The following CDC73 variants were observed in gnomAD, a reference collection of about 807,000 sequenced individuals.
CDC73 encodes the protein parafibromin.
A neutral mutation model predicts 83.7 loss-of-function variants in CDC73; 21 were observed. That is an observed-to-expected ratio of 0.25 (90% CI 0.18 to 0.36). The LOEUF (loss-of-function observed/expected upper bound fraction) is 0.36, where lower values mean the gene tolerates loss of function less well. Ranked by LOEUF, CDC73 falls within the 10% of genes least tolerant of loss-of-function variation. The probability of loss-of-function intolerance (pLI) is 1.00; values close to 1 mark genes in which losing one functional copy is unlikely to be tolerated. For synonymous variants in CDC73, 224 were observed against 212.9 expected (o/e 1.05, Z -0.45); for missense variants, 342 against 653.3 (o/e 0.52, Z 5.19).
At chr1:193,145,228 A>C (rs889902043) in intron 7 of CDC73, among the ~76,000 whole-genome samples, 2 of 152,218 alleles carry the variant, frequency 1.3e-5, no homozygotes, top group African/African-American at 4.8e-5. Flanking sequence ...CTATGCAAAA[A>C]GTTTATGGAT....
At chr1:193,152,586 G>A in intron 10 of CDC73, 142 bp downstream of exon 10, 1 of 638,802 alleles carries the variant, frequency 1.6e-6, no homozygotes. Flanking sequence ...GATCTGTGTG[G>A]TGTATTATTT....
intron 10 of CDC73, among the ~76,000 whole-genome samples, chr1:193,173,104 A>G (rs755857233): frequency 1.6e-4 from 24 of 152,182 alleles, no homozygotes; most frequent in Non-Finnish European, 2.9e-4. Flanking sequence ...ACATAAGCCT[A>G]GAGAAAGGAG....
intron 13 of CDC73, 48 bp downstream of exon 13, chr1:193,212,525 T>C (rs781172488): frequency 1.1e-5 from 13 of 1,224,404 alleles, no homozygotes; most frequent in Admixed American, 7.3e-5. Context: ...TGAGATACCA[T>C]TGGAAAATAG....
At chr1:193,146,149 C>T (rs1675996865) in intron 7 of CDC73, among the ~76,000 whole-genome samples, 1 of 152,062 alleles carries the variant, frequency 6.6e-6, no homozygotes. Flanking sequence ...GGGCAGCGAC[C>T]ATGTCTTTTT....
chr1:193,180,485 T>A (rs775116737), intron 10 of CDC73: 7 of 1,613,988 alleles, frequency 4.3e-6, no homozygotes, highest in Non-Finnish European at 3.4e-6. Context: ...ACAAACTCAT[T>A]GGGAGGGGGT....
chr1:193,223,233 ATT>A (rs5779667), intron 13 of CDC73, among the ~76,000 whole-genome samples: 4 of 149,784 alleles, frequency 2.7e-5, no homozygotes, highest in Admixed American at 6.6e-5. Flanking sequence ...TGTTCATTTT[ATT>A]TTTTTTTTAT....
In CDC73 at chr1:193,130,241, CGTGTGAGTACTTTTT is replaced by C; in HGVS notation, c.306_307+13del. 1 of 1,542,486 alleles carries C rather than the reference CGTGTGAGTACTTTTT, an allele frequency of 6.5e-7. No individual in the cohort carries two copies. The highest frequency in any genetic ancestry group is 9.0e-7 in the Non-Finnish European group (1 of 1,115,406). ...CTACTTGGATATCTCAATGGTGAAG[CGTGTGAGTACTTTTT>C]AAATTGTTCCCAGTCTTAAACAGAC... On this transcript the variant is annotated splice_donor_variant and splice_donor_5th_base_variant and coding_sequence_variant and intron_variant, in exon 3 of 17. Coordinates refer to ENST00000367435, the MANE Select transcript of CDC73 (RefSeq NM_024529.5). LOFTEE classifies it high-confidence loss of function.
chr1:193,160,394 A>G (rs1302754539), intron 10 of CDC73, among the ~76,000 whole-genome samples: 1 of 152,084 alleles, frequency 6.6e-6, no homozygotes, highest in Admixed American at 6.6e-5. Flanking sequence ...GGAAACACAG[A>G]AACCAGTTTG....
At chr1:193,165,677 A>G (rs1314133504) in intron 10 of CDC73, among the ~76,000 whole-genome samples, 1 of 152,250 alleles carries the variant, frequency 6.6e-6, no homozygotes, top group Non-Finnish European at 1.5e-5. Flanking sequence ...ATTTTCAGTA[A>G]TAGAAGAAAA....
intron 15 of CDC73, among the ~76,000 whole-genome samples, chr1:193,248,614 T>G (rs1311966382): frequency 2.0e-5 from 3 of 152,044 alleles, no homozygotes; most frequent in Non-Finnish European, 2.9e-5. Flanking sequence ...TTAAGAACAT[T>G]TGTGATTAAT....
chr1:193,239,085 T>G (rs1677813506), intron 15 of CDC73, among the ~76,000 whole-genome samples: 1 of 152,218 alleles, frequency 6.6e-6, no homozygotes, highest in Admixed American at 6.5e-5. Context: ...ATTATGTCTT[T>G]AGCTCAATAT....
At chr1:193,159,091 T>G (rs926249498) in intron 10 of CDC73, among the ~76,000 whole-genome samples, 3 of 152,182 alleles carry the variant, frequency 2.0e-5, no homozygotes, top group Admixed American at 6.5e-5. Flanking sequence ...TATATCCCTT[T>G]TATAATAATT....
At chr1:193,237,476 A>T (rs1235329948) in intron 15 of CDC73, among the ~76,000 whole-genome samples, 1 of 152,166 alleles carries the variant, frequency 6.6e-6, no homozygotes, top group African/African-American at 2.4e-5. Context: ...GGATTCTCTT[A>T]CCCGGAGCCT....
chr1:193,244,940 G>A (rs577884896), intron 15 of CDC73, among the ~76,000 whole-genome samples: 13 of 152,250 alleles, frequency 8.5e-5, no homozygotes, highest in South Asian at 4.1e-4. Flanking sequence ...TGTCTTTAGT[G>A]CCTACAATAA....
intron 11 of CDC73, among the ~76,000 whole-genome samples, chr1:193,208,170 C>A (rs1677220770): frequency 6.6e-6 from 1 of 152,120 alleles, no homozygotes; most frequent in African/African-American, 2.4e-5. Context: ...TTCCTTACTC[C>A]TTTTCTGTTG....
intron 13 of CDC73, among the ~76,000 whole-genome samples, chr1:193,214,735 G>A (rs75289861): frequency 0.02 from 3,014 of 152,150 alleles, 95 homozygotes; most frequent in African/African-American, 0.068. Context: ...GAAAAAAATA[G>A]ATTATTTTAT....
chr1:193,125,903 T>C (rs2103114614), intron 2 of CDC73, among the ~76,000 whole-genome samples: 1 of 152,260 alleles, frequency 6.6e-6, no homozygotes, highest in East Asian at 1.9e-4. Flanking sequence ...TTACACAGAC[T>C]TTTTAATCTG....
intron 10 of CDC73, among the ~76,000 whole-genome samples, chr1:193,164,019 C>T (rs925889800): frequency 2.0e-5 from 3 of 152,166 alleles, no homozygotes; most frequent in South Asian, 2.1e-4. Flanking sequence ...CTCAAGTGAT[C>T]GGTGGCCTCC....
At chr1:193,166,414 T>G (rs1344084205) in intron 10 of CDC73, among the ~76,000 whole-genome samples, 1 of 152,192 alleles carries the variant, frequency 6.6e-6, no homozygotes, top group East Asian at 1.9e-4. Flanking sequence ...GTGCAGAGAT[T>G]ACAGGTGTGA....
Sources: gnomAD v4.1 joint callset for allele counts (sites outside exome capture counted in the v4.1 genomes callset) on GRCh38, gnomAD v4.1.1 for gene constraint, MANE v1.5 for transcripts, NCBI Gene and HGNC (gene_info 2026-07-23, HGNC 2026-07-21) for gene names.